VSTM4: variants seen among roughly 807,000 people sequenced by gnomAD.
VSTM4 encodes V-set and transmembrane domain-containing protein 4.
A neutral mutation model predicts 36.4 loss-of-function variants in VSTM4; 20 were observed. That is an observed-to-expected ratio of 0.55 (90% CI 0.39 to 0.80). The LOEUF (loss-of-function observed/expected upper bound fraction) is 0.80, where lower values mean the gene tolerates loss of function less well. Ranked by LOEUF, VSTM4 falls within the 30% of genes least tolerant of loss-of-function variation. VSTM4 has a pLI of 0.00. For synonymous variants in VSTM4, 182 were observed against 173.9 expected (o/e 1.05, Z -0.37); for missense variants, 392 against 404.5 (o/e 0.97, Z 0.26).
At chr10:49,115,361 G>T in intron 1 of VSTM4, 70 bp downstream of exon 1, 1 of 961,040 alleles carries the variant, frequency 1.0e-6, no homozygotes, top group Non-Finnish European at 1.2e-6. Context: ...CAGGCCCGGA[G>T]CCCCGGCCTC....
At chr10:49,069,386 C>T (rs531870680) in intron 4 of VSTM4, among the ~76,000 whole-genome samples, 4 of 152,328 alleles carry the variant, frequency 2.6e-5, no homozygotes, top group East Asian at 1.9e-4. Context: ...GCAACCCTGG[C>T]GTTGCAAGGG....
Position 49,017,094 on chromosome 10 carries a change from C to T in VSTM4, c.*2556G>A, listed in dbSNP as rs906948609. The stretch of plus-strand genomic sequence containing the variant: ...AGTGAAAACAAATTGACAAACTTTC[C>T]CTAATTTCTATTTCAATGATATGTG... On this transcript the variant is annotated 3_prime_UTR_variant, in exon 8 of 8. Coordinates refer to ENST00000332853, the MANE Select transcript of VSTM4 (RefSeq NM_001031746.5). 2.0e-5 allele frequency: 3 copies of T among 152,190 alleles called. No individual in the cohort carries two copies. The highest frequency in any genetic ancestry group is 6.5e-5 in the Admixed American group (1 of 15,280). The allele number at this position is 152,190 out of a possible 1,614,324, so 9.4% of individuals were successfully genotyped here.
chr10:49,057,900 GAGGGTTCACTC>G (rs1327525572), intron 5 of VSTM4, among the ~76,000 whole-genome samples: 1 of 152,228 alleles, frequency 6.6e-6, no homozygotes, highest in African/African-American at 2.4e-5. Context: ...CTTTGAGACT[GAGGGTTCACTC>G]AGGAGGAGAA....
chr10:49,068,289 C>T (rs1417598446), intron 4 of VSTM4, among the ~76,000 whole-genome samples: 4 of 152,056 alleles, frequency 2.6e-5, no homozygotes, highest in African/African-American at 9.7e-5. Context: ...CAAGATAATC[C>T]CATGAGCTGA....
intron 5 of VSTM4, chr10:49,064,329 G>A (rs543636079): frequency 2.4e-4 from 57 of 236,306 alleles, no homozygotes; most frequent in African/African-American, 1.2e-3. Flanking sequence ...GCTAAAAGCA[G>A]GGCATACAGT....
In VSTM4 at chr10:49,107,695, G is replaced by T; in HGVS notation, c.356C>A (p.Pro119His). ...GCAGACGTAATGCCCTTGATCGGAG[G>T]GCTGCAGTGTCAAGACGGAGAGCCT... ...LYRLSVLTLQ[P>H]SDQGHYVCRV... The change falls in exon 2 of 8, where the codon CCC (proline) becomes CAC (histidine). Residue 119 changes from proline (P) to histidine (H), a missense_variant. Physicochemically the swap from Pro to His is moderately conservative, Grantham distance 77 (BLOSUM62 -2). Transcript: ENST00000332853. 6.2e-7 allele frequency: 1 copy of T among 1,614,226 alleles called. No individual in the cohort carries two copies. Among genetic ancestry groups the T allele is most frequent in the African/African-American group, 1.3e-5 (1 of 75,054 alleles).
At chr10:49,105,739 T>G (rs1368207622) in intron 2 of VSTM4, among the ~76,000 whole-genome samples, 2 of 152,134 alleles carry the variant, frequency 1.3e-5, no homozygotes, top group Non-Finnish European at 2.9e-5. Context: ...TGGCAGAATG[T>G]CATCACTGCC....
intron 2 of VSTM4, among the ~76,000 whole-genome samples, chr10:49,093,052 A>G (rs751340415): frequency 1.3e-5 from 2 of 152,148 alleles, no homozygotes; most frequent in African/African-American, 2.4e-5. Flanking sequence ...TTGGAGAATA[A>G]GATATTCTCC....
At chr10:49,026,853 T>C (rs1843269710) in intron 7 of VSTM4, among the ~76,000 whole-genome samples, 1 of 152,174 alleles carries the variant, frequency 6.6e-6, no homozygotes, top group African/African-American at 2.4e-5. Context: ...TTTCTTTACA[T>C]TGCACATCCT....
At chr10:49,090,487 G>A (rs943730809) in intron 2 of VSTM4, among the ~76,000 whole-genome samples, 16 of 152,272 alleles carry the variant, frequency 1.1e-4, no homozygotes, top group African/African-American at 3.1e-4. Context: ...TGGTCCTATA[G>A]GGTCCTGATG....
At chr10:49,090,356 C>T (rs1021115575) in intron 2 of VSTM4, among the ~76,000 whole-genome samples, 1 of 152,202 alleles carries the variant, frequency 6.6e-6, no homozygotes, top group Admixed American at 6.5e-5. Flanking sequence ...TCTTCCTATG[C>T]ACCAGCTCAA....
chr10:49,085,699 G>C (rs967411562), intron 3 of VSTM4, among the ~76,000 whole-genome samples: 1 of 151,708 alleles, frequency 6.6e-6, no homozygotes, highest in African/African-American at 2.4e-5. Context: ...TTTATATTCT[G>C]TTTCCTTCCT....
At chr10:49,076,160 A>G (rs1261673636) in intron 4 of VSTM4, among the ~76,000 whole-genome samples, 1 of 152,184 alleles carries the variant, frequency 6.6e-6, no homozygotes, top group Non-Finnish European at 1.5e-5. Context: ...TCACTGTTGG[A>G]GTGGCCCCTC....
chr10:49,111,817 T>C (rs1277340880), intron 1 of VSTM4, among the ~76,000 whole-genome samples: 1 of 152,114 alleles, frequency 6.6e-6, no homozygotes, highest in African/African-American at 2.4e-5. Flanking sequence ...TGGGAGAATA[T>C]AACTACAGTG....
Position 49,094,849 on chromosome 10 carries a change from C to T in VSTM4, c.458-8826G>A, listed in dbSNP as rs182421864. Among the ~76,000 whole-genome samples, 294 of 152,246 alleles carry T rather than the reference C, an allele frequency of 1.9e-3. 1 individual carries two copies. Among genetic ancestry groups the T allele is most frequent in the African/African-American group, 6.5e-3 (271 of 41,534 alleles). ...GACCTTCTCTGTTTCTGCTCTCAGG[C>T]ACTGGCCTATTGCTTCCTTTCTCCC... On this transcript the variant is annotated intron_variant, in intron 2 of 7. Transcript: ENST00000332853.
chr10:49,026,512 A>C (rs901647986), intron 7 of VSTM4, among the ~76,000 whole-genome samples: 1 of 152,256 alleles, frequency 6.6e-6, no homozygotes. Context: ...AAAGTGAAAT[A>C]CATAAAATAA....
At position 49,021,620 on chromosome 10, in the gene VSTM4, C is replaced by T. The variant is rs114822565; in HGVS notation, c.838-1845G>A. 4.3e-3 allele frequency among the ~76,000 whole-genome samples: 661 copies of T among 152,130 alleles called. 8 individuals carry two copies. The highest frequency in any genetic ancestry group is 0.015 in the African/African-American group (618 of 41,484). ...TCGGACACAGATGAAATGATACTCA[C>T]CCTCTCATAATCAGAAAACCGACAC... On this transcript the variant is annotated intron_variant, in intron 7 of 7. Transcript: ENST00000332853.
At chr10:49,041,899 T>C (rs572155686) in intron 7 of VSTM4, among the ~76,000 whole-genome samples, 2 of 152,332 alleles carry the variant, frequency 1.3e-5, no homozygotes, top group East Asian at 3.9e-4. Context: ...AACTTCAATA[T>C]ATAGTTGTTT....
intron 7 of VSTM4, among the ~76,000 whole-genome samples, chr10:49,041,414 A>G (rs1269898020): frequency 6.6e-6 from 1 of 152,260 alleles, no homozygotes; most frequent in African/African-American, 2.4e-5. Context: ...CATAAAATAA[A>G]GAATCCTTCT....
Sources: gnomAD v4.1 joint callset for allele counts (sites outside exome capture counted in the v4.1 genomes callset) on GRCh38, gnomAD v4.1.1 for gene constraint, MANE v1.5 for transcripts, NCBI Gene and HGNC (gene_info 2026-07-23, HGNC 2026-07-21) for gene names.